The following OMA1 variants were observed in gnomAD, a reference collection of about 807,000 sequenced individuals.
OMA1 encodes the protein OMA1 zinc metallopeptidase, also known as metalloendopeptidase OMA1, mitochondrial.
Under a neutral mutation model 30.9 loss-of-function variants are expected in OMA1, and 38 were observed. The observed-to-expected ratio is 1.23, with a 90% CI of 0.95 to 1.61. The LOEUF is 1.61. Ranked by LOEUF, OMA1 falls within the 40% of genes most tolerant of loss-of-function variation. The pLI, the probability that OMA1 is intolerant of heterozygous loss-of-function variation, is 0.00. For synonymous variants in OMA1, 173 were observed against 121.9 expected, an observed-to-expected ratio of 1.42 and a Z score of -2.76; for missense variants, 461 against 349.2, an observed-to-expected ratio of 1.32 and a Z score of -2.55.
intron 8 of OMA1, among the ~76,000 whole-genome samples, chr1:58,500,765 G>C (rs1645893790): frequency 6.6e-6 from 1 of 152,112 alleles, no homozygotes; most frequent in African/African-American, 2.4e-5. Context: ...CCAACAAAGA[G>C]GGGATGGTGG....
At chr1:58,535,215 A>G (rs1190194784) in intron 3 of OMA1, among the ~76,000 whole-genome samples, 1 of 152,160 alleles carries the variant, frequency 6.6e-6, no homozygotes, top group Non-Finnish European at 1.5e-5. Context: ...CTGAAGTTAT[A>G]TTCATGAGAG....
intron 1 of OMA1, among the ~76,000 whole-genome samples, chr1:58,543,562 T>A (rs1646654918): frequency 6.6e-6 from 1 of 152,134 alleles, no homozygotes; most frequent in Admixed American, 6.6e-5. Flanking sequence ...CACTACAGTT[T>A]GACCCCAAAC....
Position 58,506,131 on chromosome 1 carries a change from T to C in OMA1, c.1294A>G (p.Met432Val), listed in dbSNP as rs757156809. 1 of 872,046 alleles carries C rather than the reference T, an allele frequency of 1.1e-6. No individual in the cohort carries two copies. The highest frequency in any genetic ancestry group is 1.7e-5 in the Admixed American group (1 of 59,164). The allele number at this position is 872,046 out of a possible 1,614,324, so 54.0% of individuals were successfully genotyped here. A position where few individuals can be genotyped will look rare whatever the true frequency, so the allele number is the denominator to read the frequency against. ...GGGTGTGTAGATAACCATTCTGGCA[T>C]CTTGGGTTGGCCATGCAGGCTATCA... ...FVDSLHGQPKMPEWLSTHPSH... is the reference protein window; with the variant it reads ...FVDSLHGQPKVPEWLSTHPSH... The change falls in exon 8 of 9, where the codon ATG becomes GTG. Residue 432 changes from methionine to valine, a missense_variant. Transcript: ENST00000371226.
intron 7 of OMA1, among the ~76,000 whole-genome samples, chr1:58,512,391 C>A (rs1001390729): frequency 2.0e-5 from 3 of 152,142 alleles, no homozygotes; most frequent in African/African-American, 7.2e-5. Context: ...ATTCAGAAAT[C>A]CTACTTCTGG....
chr1:58,538,224 A>C (rs1031694294), intron 2 of OMA1, among the ~76,000 whole-genome samples: 1 of 152,204 alleles, frequency 6.6e-6, no homozygotes, highest in African/African-American at 2.4e-5. Flanking sequence ...TTAAAGCACT[A>C]CAAGCTGTGA....
chr1:58,517,313 T>C (rs1046803411), intron 7 of OMA1, among the ~76,000 whole-genome samples: 1 of 152,242 alleles, frequency 6.6e-6, no homozygotes, highest in Non-Finnish European at 1.5e-5. Flanking sequence ...TCTGTTGCCA[T>C]TGGTGCTCTT....
chr1:58,497,727 G>A (rs182006960), intron 8 of OMA1, among the ~76,000 whole-genome samples: 1 of 152,134 alleles, frequency 6.6e-6, no homozygotes, highest in Non-Finnish European at 1.5e-5. Flanking sequence ...CTAAATCACT[G>A]GAAACTCTTA....
intron 8 of OMA1, among the ~76,000 whole-genome samples, chr1:58,504,096 A>T (rs896182825): frequency 1.3e-5 from 2 of 152,160 alleles, no homozygotes; most frequent in African/African-American, 4.8e-5. Flanking sequence ...TACTCCACAC[A>T]ATAATGCCAG....
At chr1:58,521,428 GA>G (rs894134296) in intron 7 of OMA1, among the ~76,000 whole-genome samples, 3 of 150,312 alleles carry the variant, frequency 2.0e-5, no homozygotes, top group East Asian at 2.0e-4. Flanking sequence ...ATAAAATAAT[GA>G]AAAAAAATGG....
intron 3 of OMA1, among the ~76,000 whole-genome samples, chr1:58,534,760 C>A (rs1646490729): frequency 6.7e-6 from 1 of 148,934 alleles, no homozygotes; most frequent in South Asian, 2.1e-4. Context: ...CATGGTGAAA[C>A]CCCGTCTCTA....
chr1:58,522,429 A>C (rs7536984), intron 7 of OMA1, among the ~76,000 whole-genome samples: 16,392 of 152,222 alleles, frequency 0.11, 1,012 homozygotes, highest in Middle Eastern at 0.16. Flanking sequence ...TCATTTGATA[A>C]AAAAGTATCT....
chr1:58,515,575 TAATG>T (rs1421432488), intron 7 of OMA1, among the ~76,000 whole-genome samples: 2 of 152,192 alleles, frequency 1.3e-5, no homozygotes, highest in Non-Finnish European at 2.9e-5. Flanking sequence ...AAGTTCCAAA[TAATG>T]TATGCATTAT....
At chr1:58,546,014 G>C (rs1215033701) in intron 1 of OMA1, among the ~76,000 whole-genome samples, 1 of 152,150 alleles carries the variant, frequency 6.6e-6, no homozygotes, top group African/African-American at 2.4e-5. Flanking sequence ...CCAAATAAGG[G>C]ATTTTCATCT....
At chr1:58,487,908 C>CT (rs1645604822) in intron 8 of OMA1, among the ~76,000 whole-genome samples, 1 of 151,572 alleles carries the variant, frequency 6.6e-6, no homozygotes, top group South Asian at 2.1e-4. Flanking sequence ...TACCGTACCT[C>CT]TTCTCCTGAT....
chr1:58,542,958 T>A (rs1194619419), intron 1 of OMA1, among the ~76,000 whole-genome samples: 1 of 148,954 alleles, frequency 6.7e-6, no homozygotes, highest in African/African-American at 2.5e-5. Flanking sequence ...CAAAGCAATA[T>A]GAAAGCAAGA....
intron 8 of OMA1, among the ~76,000 whole-genome samples, chr1:58,500,745 T>C (rs1039554046): frequency 3.3e-5 from 5 of 152,164 alleles, no homozygotes; most frequent in Non-Finnish European, 7.4e-5. Context: ...TCATTCTCCA[T>C]ACCCTTCACC....
intron 8 of OMA1, among the ~76,000 whole-genome samples, chr1:58,495,834 A>T (rs1645791316): frequency 6.6e-6 from 1 of 152,240 alleles, no homozygotes; most frequent in East Asian, 1.9e-4. Context: ...TTAGGAGGAA[A>T]GAAATATCTT....
chr1:58,480,872 T>A lies in OMA1; in HGVS notation c.*93A>T. The A allele has an allele frequency of 1.4e-6, 1 of 696,494 alleles. No homozygotes were observed. Among genetic ancestry groups the A allele is most frequent in the Non-Finnish European group, 2.4e-6 (1 of 416,886 alleles). The allele number at this position is 696,494 out of a possible 1,614,324, so 43.1% of individuals were successfully genotyped here. ...ATGATTTGACCCTGAATATCCTTTTTTTTTTCACTTCAAACATCATTTTTT... is the reference window on the plus strand; with the variant it reads ...ATGATTTGACCCTGAATATCCTTTTATTTTTCACTTCAAACATCATTTTTT... On this transcript the variant is annotated 3_prime_UTR_variant, in exon 9 of 9. Coordinates refer to ENST00000371226, the MANE Select transcript of OMA1 (RefSeq NM_145243.5).
intron 8 of OMA1, 60 bp downstream of exon 8, chr1:58,506,000 A>C: frequency 2.6e-6 from 2 of 779,978 alleles, no homozygotes; most frequent in South Asian, 3.2e-5. Flanking sequence ...AAGAAGTGAC[A>C]GCATTAAAAA....
Sources: allele counts gnomAD v4.1 joint callset (sites outside exome capture counted in the v4.1 genomes callset), GRCh38; gene constraint gnomAD v4.1.1; transcripts MANE v1.5; gene names NCBI Gene and HGNC (gene_info 2026-07-23, HGNC 2026-07-21).